The following ERO1B variants were observed in gnomAD, a reference collection of about 807,000 sequenced individuals.
ERO1B encodes endoplasmic reticulum oxidoreductase 1 beta.
A neutral mutation model predicts 75.3 loss-of-function variants in ERO1B; 49 were observed. That is an observed-to-expected ratio of 0.65 (90% confidence interval 0.52 to 0.83). The LOEUF is 0.83. ERO1B is among the 40% of genes least tolerant of loss of function. The pLI is 0.00. For missense variants in ERO1B, 512 were observed against 560.1 expected (o/e 0.91, Z 0.87); for synonymous variants, 191 against 192.9 (o/e 0.99, Z 0.08).
At chr1:236,255,541 A>C (rs1665140884) in intron 2 of ERO1B, among the ~76,000 whole-genome samples, 1 of 152,178 alleles carries the variant, frequency 6.6e-6, no homozygotes, top group Admixed American at 6.5e-5. Flanking sequence ...TACATAGTAG[A>C]CACCTAATTA....
In ERO1B at chr1:236,281,937, C is replaced by G. The variant is rs1665848289; in HGVS notation, c.-154G>C. 2.3e-6 allele frequency: 1 copy of G among 442,324 alleles called. No individual in the cohort carries two copies. The highest frequency in any genetic ancestry group is 2.0e-5 in the African/African-American group (1 of 49,366). The allele number at this position is 442,324 out of a possible 1,614,324, so 27.4% of individuals were successfully genotyped here. A position where few individuals can be genotyped will look rare whatever the true frequency, so the allele number is the denominator to read the frequency against. On this transcript the variant is annotated 5_prime_UTR_variant, in exon 1 of 16. Transcript: ENST00000354619. ...AGTCCGGAGGCAGGCGACTCTTTCC[C>G]CAACACCCGGCAGCTGCGAGTGAGG...
At position 236,218,241 on chromosome 1, in the gene ERO1B, C is replaced by T. The variant is rs1664046759; in HGVS notation, c.*275G>A. The T allele has an allele frequency of 5.5e-6, 1 of 181,768 alleles. No homozygotes were observed. Among genetic ancestry groups the T allele is most frequent in the African/African-American group, 2.4e-5 (1 of 42,308 alleles). The allele number at this position is 181,768 out of a possible 1,614,324, so 11.3% of individuals were successfully genotyped here. On this transcript the variant is annotated 3_prime_UTR_variant, in exon 16 of 16. Transcript: ENST00000354619. Reference sequence around the variant, plus strand: ...TAATAGAATAAAAACAAAACCAATTCTAAAAAAAATAGAATTTTCATTACA... The same window carrying T: ...TAATAGAATAAAAACAAAACCAATTTTAAAAAAAATAGAATTTTCATTACA...
intron 13 of ERO1B, among the ~76,000 whole-genome samples, chr1:236,223,472 G>A (rs1664206905): frequency 6.6e-6 from 1 of 152,178 alleles, no homozygotes; most frequent in Admixed American, 6.5e-5. Context: ...CTGCCAGAGG[G>A]TTGAAAGGAA....
chr1:236,270,706 C>G (rs1042323473), intron 1 of ERO1B, among the ~76,000 whole-genome samples: 3 of 152,138 alleles, frequency 2.0e-5, no homozygotes, highest in Non-Finnish European at 4.4e-5. Flanking sequence ...ATATGCACAA[C>G]CTGGATTTAT....
At chr1:236,249,821 C>G in intron 5 of ERO1B, 64 bp downstream of exon 5, 1 of 1,236,050 alleles carries the variant, frequency 8.1e-7, no homozygotes, top group Middle Eastern at 2.0e-4. Flanking sequence ...TTACCAAAAT[C>G]ATAAAAAATT....
At chr1:236,220,360 G>A (rs918375160) in intron 15 of ERO1B, 1 of 151,644 alleles carries the variant, frequency 6.6e-6, no homozygotes, top group Non-Finnish European at 1.5e-5. Flanking sequence ...CTATACAGAA[G>A]TAAATCATGT....
chr1:236,223,264 G>A (rs1056525922), intron 13 of ERO1B, among the ~76,000 whole-genome samples: 1 of 150,206 alleles, frequency 6.7e-6, no homozygotes, highest in Admixed American at 6.6e-5. Flanking sequence ...CTGCCTATAA[G>A]CATTTGTGTG....
At chr1:236,250,623 C>CAT (rs370238618) in intron 4 of ERO1B, among the ~76,000 whole-genome samples, 37,293 of 101,596 alleles carry the variant, frequency 0.37, 6,996 homozygotes, top group East Asian at 0.47. Context: ...ATATATCAAA[C>CAT]GTGTGTGTGC....
chr1:236,252,103 A>C lies in ERO1B; in HGVS notation c.307-12T>G. ...ACCGGAATTTTACTCTTAAAAAAAC[A>C]AGAAAAGCAAAAAAATTTTTAAGTG... On this transcript the variant is annotated splice_polypyrimidine_tract_variant and intron_variant, in intron 3 of 15. Transcript: ENST00000354619. 1 of 1,578,222 alleles carries C rather than the reference A, an allele frequency of 6.3e-7. No individual in the cohort carries two copies. Among genetic ancestry groups the C allele is most frequent in the East Asian group, 2.3e-5 (1 of 44,348 alleles).
intron 5 of ERO1B, 35 bp downstream of exon 5, chr1:236,249,850 G>A (rs376761165): frequency 7.0e-7 from 1 of 1,429,298 alleles, no homozygotes; most frequent in Non-Finnish European, 9.6e-7. Flanking sequence ...ATATCAATGA[G>A]AATATTTTCT....
At chr1:236,263,178 G>A (rs752531132) in intron 2 of ERO1B, among the ~76,000 whole-genome samples, 1 of 152,120 alleles carries the variant, frequency 6.6e-6, no homozygotes, top group Non-Finnish European at 1.5e-5. Flanking sequence ...CTCAGCATAT[G>A]CTTCCCAGAG....
At chr1:236,253,835 A>T (rs926493099) in intron 2 of ERO1B, among the ~76,000 whole-genome samples, 3 of 152,210 alleles carry the variant, frequency 2.0e-5, no homozygotes, top group African/African-American at 7.2e-5. Flanking sequence ...TGGGTAGGCT[A>T]TGGGGGGAAA....
chr1:236,246,968 C>A (rs1411699768), intron 5 of ERO1B, among the ~76,000 whole-genome samples: 1 of 152,066 alleles, frequency 6.6e-6, no homozygotes, highest in African/African-American at 2.4e-5. Flanking sequence ...ACACAGCCAA[C>A]AAAGAATTAT....
chr1:236,272,144 G>A (rs774815550), intron 1 of ERO1B, among the ~76,000 whole-genome samples: 9 of 152,146 alleles, frequency 5.9e-5, no homozygotes, highest in Non-Finnish European at 1.3e-4. Context: ...AAAACAATAT[G>A]GAGATTTATC....
chr1:236,237,010 C>A (rs1045202190), intron 6 of ERO1B, among the ~76,000 whole-genome samples: 1 of 151,220 alleles, frequency 6.6e-6, no homozygotes, highest in Non-Finnish European at 1.5e-5. Context: ...CAAACTAAAA[C>A]ATAGTAGGCA....
At chr1:236,277,749 A>G (rs945285628) in intron 1 of ERO1B, among the ~76,000 whole-genome samples, 2 of 152,218 alleles carry the variant, frequency 1.3e-5, no homozygotes, top group Non-Finnish European at 2.9e-5. Context: ...TTAAGGAGAA[A>G]GAAAAAAGAC....
intron 6 of ERO1B, among the ~76,000 whole-genome samples, chr1:236,238,543 A>T (rs1360045917): frequency 7.4e-6 from 1 of 136,010 alleles, no homozygotes; most frequent in African/African-American, 2.8e-5. Context: ...TTTTTTTTAA[A>T]AAAAAAAAGA....
intron 1 of ERO1B, among the ~76,000 whole-genome samples, chr1:236,273,256 C>T (rs528960390): frequency 2.6e-5 from 4 of 152,116 alleles, no homozygotes; most frequent in African/African-American, 9.7e-5. Flanking sequence ...CATGACAATA[C>T]CTAGAAGCTT....
At chr1:236,236,146 T>C (rs1664537440) in intron 7 of ERO1B, 132 bp downstream of exon 7, 2 of 1,151,074 alleles carry the variant, frequency 1.7e-6, no homozygotes, top group African/African-American at 1.5e-5. Flanking sequence ...AGGCTGGTCT[T>C]GAACTCCTGA....
Sources: gnomAD v4.1 joint callset for allele counts (sites outside exome capture counted in the v4.1 genomes callset) on GRCh38, gnomAD v4.1.1 for gene constraint, MANE v1.5 for transcripts, NCBI Gene and HGNC (gene_info 2026-07-23, HGNC 2026-07-21) for gene names.